The following GLIS3 variants were observed in gnomAD, a reference collection of about 807,000 sequenced individuals.
GLIS3 encodes zinc finger protein GLIS3.
A neutral mutation model predicts 78.6 loss-of-function variants in GLIS3; 53 were observed. The ratio of observed to expected loss-of-function variants is 0.67; its 90% CI spans 0.54 to 0.85. The LOEUF (loss-of-function observed/expected upper bound fraction) is 0.85. Among genes scored for constraint, GLIS3 ranks in the 40% least tolerant of loss-of-function variants. The pLI is 0.00. For synonymous variants in GLIS3, 684 were observed against 509.9 expected, an observed-to-expected ratio of 1.34 and a Z score of -4.60; for missense variants, 1,703 against 1,231.1, an observed-to-expected ratio of 1.38 and a Z score of -5.74.
At chr9:4,180,149 G>A (rs995874781) in intron 2 of GLIS3, among the ~76,000 whole-genome samples, 1 of 152,088 alleles carries the variant, frequency 6.6e-6, no homozygotes. Context: ...GAGGTCCTAG[G>A]ATAGAGAACA....
At chr9:4,016,418 T>G (rs1046313354) in intron 4 of GLIS3, among the ~76,000 whole-genome samples, 2 of 152,210 alleles carry the variant, frequency 1.3e-5, no homozygotes, top group Non-Finnish European at 2.9e-5. Context: ...CTCATTTCTA[T>G]TCTACATTTA....
chr9:3,837,205 TACTA>T (rs765948081), intron 9 of GLIS3, among the ~76,000 whole-genome samples: 1 of 152,190 alleles, frequency 6.6e-6, no homozygotes, highest in Non-Finnish European at 1.5e-5. Context: ...CCCTTCATAC[TACTA>T]ACTAAGACGA....
At chr9:4,269,532 C>G (rs895716465) in intron 2 of GLIS3, among the ~76,000 whole-genome samples, 1 of 152,162 alleles carries the variant, frequency 6.6e-6, no homozygotes, top group Non-Finnish European at 1.5e-5. Flanking sequence ...ACCACCAAAA[C>G]GATCTACTTA....
chr9:4,061,307 C>A (rs1308260495), intron 4 of GLIS3, among the ~76,000 whole-genome samples: 5 of 148,016 alleles, frequency 3.4e-5, no homozygotes, highest in Non-Finnish European at 5.9e-5. Flanking sequence ...TGAGTGAGAA[C>A]ATGCGGTGTT....
intron 4 of GLIS3, among the ~76,000 whole-genome samples, chr9:4,113,131 A>C (rs2130852943): frequency 6.6e-6 from 1 of 152,184 alleles, no homozygotes; most frequent in East Asian, 1.9e-4. Flanking sequence ...TTCACTCAAC[A>C]GTGTTTTTTG....
upstream of GLIS3, among the ~76,000 whole-genome samples, chr9:4,304,612 CA>C (rs1275329572): frequency 6.6e-6 from 1 of 152,062 alleles, no homozygotes; most frequent in Non-Finnish European, 1.5e-5. Context: ...AACGAGGGTG[CA>C]GAGAAGAAGG....
At chr9:4,446,394 C>T in the GLIS3 span, among the ~76,000 whole-genome samples, 1 of 152,098 alleles carries the variant, frequency 6.6e-6, no homozygotes, top group African/African-American at 2.4e-5. Context: ...TCTTGGACTT[C>T]CCAGTCTCCA....
rs1455058333 is a variant in GLIS3, at chr9:3,827,835, G to A, written c.*437C>T. The A allele has an allele frequency of 4.0e-6, 1 of 249,894 alleles. No individual in the cohort carries two copies. Among genetic ancestry groups the A allele is most frequent in the Non-Finnish European group, 7.9e-6 (1 of 127,034 alleles). The allele number at this position is 249,894 out of a possible 1,614,324, so 15.5% of individuals were successfully genotyped here. ...CTTGTTGTGCCTGGCTTTGCATCAG[G>A]AGCAGCAAGGGTGAGGATTAGGTGA... On this transcript the variant is annotated 3_prime_UTR_variant, in exon 11 of 11. Coordinates refer to ENST00000381971, the MANE Select transcript of GLIS3 (RefSeq NM_001042413.2).
At chr9:4,172,939 C>T (rs1289311450) in intron 2 of GLIS3, among the ~76,000 whole-genome samples, 2 of 152,078 alleles carry the variant, frequency 1.3e-5, no homozygotes, top group Non-Finnish European at 2.9e-5. Flanking sequence ...GTTGCTCTTT[C>T]GATTTTCCGA....
chr9:3,887,871 T>G lies in GLIS3; in HGVS notation c.2129-8276A>C, dbSNP rs549277113. ...ATCATCTGGCAGCTCTATCAACTTC[T>G]CTGGGATGAACCTTTCACACAGCCC... On this transcript the variant is annotated intron_variant, in intron 7 of 10. Transcript: ENST00000381971. Among the ~76,000 whole-genome samples the G allele has an allele frequency of 2.0e-5, 3 of 152,292 alleles. No individual in the cohort carries two copies. In the East Asian group the frequency reaches 5.8e-4, roughly 29 times the overall value.
chr9:4,048,914 C>A (rs537448593), intron 4 of GLIS3, among the ~76,000 whole-genome samples: 1 of 152,214 alleles, frequency 6.6e-6, no homozygotes, highest in African/African-American at 2.4e-5. Context: ...AGTGACCCTA[C>A]TGCATGCTTT....
At chr9:3,860,940 G>C (rs908286382) in intron 8 of GLIS3, among the ~76,000 whole-genome samples, 9 of 152,184 alleles carry the variant, frequency 5.9e-5, no homozygotes, top group African/African-American at 2.2e-4. Flanking sequence ...AATTTAGTAA[G>C]CAATGTATCT....
intron 8 of GLIS3, among the ~76,000 whole-genome samples, chr9:3,862,503 T>C (rs1820276339): frequency 6.6e-6 from 1 of 152,220 alleles, no homozygotes; most frequent in Admixed American, 6.5e-5. Context: ...TCCAAAGTAT[T>C]TCTTTGTCAA....
At chr9:3,916,230 G>A (rs775079382) in intron 6 of GLIS3, among the ~76,000 whole-genome samples, 1 of 152,218 alleles carries the variant, frequency 6.6e-6, no homozygotes, top group Non-Finnish European at 1.5e-5. Flanking sequence ...AGGAAAGGTA[G>A]TATGTGAAAT....
At chr9:4,360,951 C>G in the GLIS3 span, among the ~76,000 whole-genome samples, 1 of 152,196 alleles carries the variant, frequency 6.6e-6, no homozygotes, top group Admixed American at 6.5e-5. Flanking sequence ...AGCCAGCCTC[C>G]AAATAGCCTT....
chr9:3,869,061 T>C lies in GLIS3; in HGVS notation c.2297+10366A>G, dbSNP rs569946481. 3.9e-5 allele frequency among the ~76,000 whole-genome samples: 6 copies of C among 152,354 alleles called. No individual in the cohort carries two copies. In the South Asian group the frequency reaches 1.2e-3, roughly 32 times the overall value. The stretch of plus-strand genomic sequence containing the variant: ...ACTGGATACTCTGAGAGGGCAAGGC[T>C]TCTGTTGGTCTTATTTACCACTATA... On this transcript the variant is annotated intron_variant, in intron 8 of 10. Transcript: ENST00000381971.
rs183752576 is a variant in GLIS3 at position 3,994,574 on chromosome 9, T to C, written c.1711-57385A>G. ...TAAAATATGTTTTTGAGTTTTTGCATAACTTGCCTGTATAATGAGATCTAA... is the reference window on the plus strand; with the variant it reads ...TAAAATATGTTTTTGAGTTTTTGCACAACTTGCCTGTATAATGAGATCTAA... On this transcript the variant is annotated intron_variant, in intron 4 of 10. Transcript: ENST00000381971. Among the ~76,000 whole-genome samples the C allele has an allele frequency of 3.2e-3, 494 of 152,348 alleles. 6 individuals are homozygous for C. Among genetic ancestry groups the C allele is most frequent in the Middle Eastern group, 0.01 (3 of 294 alleles).
chr9:4,341,325 G>T (rs887479657), intron 2 of GLIS3, among the ~76,000 whole-genome samples: 1 of 152,180 alleles, frequency 6.6e-6, no homozygotes, highest in Non-Finnish European at 1.5e-5. Context: ...ATTACCCTGG[G>T]ATTACACACT....
At chr9:4,126,305 T>G (rs1468360496) in intron 2 of GLIS3, among the ~76,000 whole-genome samples, 2 of 152,220 alleles carry the variant, frequency 1.3e-5, no homozygotes, top group African/African-American at 2.4e-5. Context: ...GCTAATATCT[T>G]GAATCACCCA....
Sources: allele counts gnomAD v4.1 joint callset (sites outside exome capture counted in the v4.1 genomes callset), GRCh38; gene constraint gnomAD v4.1.1; transcripts MANE v1.5; gene names NCBI Gene and HGNC (gene_info 2026-07-23, HGNC 2026-07-21).